The following HSD17B2 variants were observed in gnomAD, a reference collection of about 807,000 sequenced individuals.
HSD17B2 encodes hydroxysteroid 17-beta dehydrogenase 2, also known as 17-beta-hydroxysteroid dehydrogenase type 2.
HSD17B2 carries 32 observed loss-of-function variants against 26.9 expected under a neutral mutation model. The observed-to-expected ratio is 1.19, with a 90% CI of 0.90 to 1.60. HSD17B2 has a LOEUF of 1.60. Among genes scored for constraint, HSD17B2 ranks in the 40% most tolerant of loss-of-function variants. The probability of loss-of-function intolerance (pLI) is 0.00; values close to 1 mark genes in which losing one functional copy is unlikely to be tolerated. For missense variants in HSD17B2, 613 were observed against 468.6 expected, an observed-to-expected ratio of 1.31 and a Z score of -2.85; for synonymous variants, 246 against 186.7, an observed-to-expected ratio of 1.32 and a Z score of -2.59.
At chr16:82,057,287 C>G (rs764248376) in intron 1 of HSD17B2, among the ~76,000 whole-genome samples, 1 of 151,986 alleles carries the variant, frequency 6.6e-6, no homozygotes, top group Non-Finnish European at 1.5e-5. Context: ...CAAGCTCCGC[C>G]TCCTGGGTTC....
chr16:82,085,078 G>T (rs1041202630), intron 3 of HSD17B2, among the ~76,000 whole-genome samples: 1 of 152,204 alleles, frequency 6.6e-6, no homozygotes, highest in African/African-American at 2.4e-5. Flanking sequence ...CAATCTTAGA[G>T]ATTCTTACAA....
chr16:82,092,082 C>T (rs1236251592), intron 4 of HSD17B2: 2 of 152,156 alleles, frequency 1.3e-5, no homozygotes, highest in African/African-American at 4.8e-5. Flanking sequence ...AATGTATAAT[C>T]CATTAGTTTC....
intron 4 of HSD17B2, chr16:82,097,820 C>T (rs1267068179): frequency 3.7e-6 from 1 of 268,034 alleles, no homozygotes; most frequent in East Asian, 6.7e-5. Context: ...TGCCTGTAAT[C>T]CCAGCTACTC....
rs1414171260 is a variant in HSD17B2, at chr16:82,035,314, C to T, written c.-111C>T. 1 of 989,892 alleles carries T rather than the reference C, an allele frequency of 1.0e-6. No homozygotes were observed. The highest frequency in any genetic ancestry group is 2.4e-5 in the East Asian group (1 of 41,220). The allele number at this position is 989,892 out of a possible 1,614,324, so 61.3% of individuals were successfully genotyped here. ...AGTTGAAAGGGGCTGGGGCTGCTTT[C>T]TCCCCTCCCTTCTTGACTCTCTGTT... On this transcript the variant is annotated 5_prime_UTR_variant, in exon 1 of 5. Transcript: ENST00000199936.
chr16:82,054,208 G>GAAAAAAAAAAAAA (rs74264895), intron 1 of HSD17B2, among the ~76,000 whole-genome samples: 8 of 85,658 alleles, frequency 9.3e-5, no homozygotes, highest in Non-Finnish European at 1.8e-4. Flanking sequence ...CCCACATATC[G>GAAAAAAAAAAAAA]AAAAAAAAAA....
chr16:82,071,927 T>C (rs1914707695), intron 3 of HSD17B2: 1 of 152,224 alleles, frequency 6.6e-6, no homozygotes, highest in Non-Finnish European at 1.5e-5. Flanking sequence ...CTCTTCACTG[T>C]TGGATCAATT....
intron 3 of HSD17B2, among the ~76,000 whole-genome samples, chr16:82,086,159 C>G (rs935123891): frequency 6.6e-6 from 1 of 152,146 alleles, no homozygotes; most frequent in Non-Finnish European, 1.5e-5. Context: ...GGTGTTCAAA[C>G]AAAAACTCAC....
At chr16:82,044,101 C>T (rs1913845410) in intron 1 of HSD17B2, among the ~76,000 whole-genome samples, 1 of 152,200 alleles carries the variant, frequency 6.6e-6, no homozygotes. Flanking sequence ...ATTTAGCCTC[C>T]TCTGAACCAT....
chr16:82,068,102 T>C, intron 1 of HSD17B2, 68 bp from the exon 2 acceptor site: 5 of 1,320,660 alleles, frequency 3.8e-6, no homozygotes, highest in Non-Finnish European at 5.4e-6. Context: ...TAATATGTTT[T>C]CCTTGTTAAA....
At chr16:82,046,427 A>T (rs1005171818) in intron 1 of HSD17B2, among the ~76,000 whole-genome samples, 4 of 152,178 alleles carry the variant, frequency 2.6e-5, no homozygotes, top group African/African-American at 9.7e-5. Flanking sequence ...AAGATAATTT[A>T]AAAAAATATT....
intron 3 of HSD17B2, among the ~76,000 whole-genome samples, chr16:82,075,528 G>C (rs1904296064): frequency 6.6e-6 from 1 of 151,950 alleles, no homozygotes; most frequent in Non-Finnish European, 1.5e-5. Flanking sequence ...AGATGACAAA[G>C]GAGACATTAC....
rs1246568230 is a variant in HSD17B2, at chr16:82,050,163, C to A, written c.265+14474C>A. On this transcript the variant is annotated intron_variant, in intron 1 of 4. Coordinates refer to ENST00000199936, the MANE Select transcript of HSD17B2 (RefSeq NM_002153.3). ...CCAACACCTTATGTACTCAGTTCCA[C>A]TGGATGTCTTGCGCTTTATATGCTT... Among the ~76,000 whole-genome samples the A allele has an allele frequency of 5.3e-5, 8 of 152,226 alleles. No individual in the cohort carries two copies. The South Asian group carries it at 1.2e-3, about 24-fold the overall frequency.
chr16:82,078,222 T>G (rs1487923591), intron 3 of HSD17B2, among the ~76,000 whole-genome samples: 5 of 152,140 alleles, frequency 3.3e-5, no homozygotes, highest in Non-Finnish European at 5.9e-5. Flanking sequence ...GTACAAAAGA[T>G]CTGAATAGGC....
At chr16:82,053,478 A>C (rs1914170375) in intron 1 of HSD17B2, among the ~76,000 whole-genome samples, 1 of 152,044 alleles carries the variant, frequency 6.6e-6, no homozygotes, top group Admixed American at 6.5e-5. Flanking sequence ...CAGAGATTGA[A>C]AACTAAGATA....
At chr16:82,089,004 C>T (rs557042163) in intron 3 of HSD17B2, among the ~76,000 whole-genome samples, 1 of 152,120 alleles carries the variant, frequency 6.6e-6, no homozygotes. Flanking sequence ...GCACTAATCC[C>T]TCTCATCATG....
chr16:82,093,322 T>C (rs575352017), intron 4 of HSD17B2: 1 of 152,342 alleles, frequency 6.6e-6, no homozygotes, highest in Non-Finnish European at 1.5e-5. Context: ...TTAATAGCAT[T>C]TGACTTTAAC....
intron 4 of HSD17B2, 57 bp from the exon 5 acceptor site, chr16:82,098,018 C>T: frequency 6.5e-7 from 1 of 1,544,462 alleles, no homozygotes; most frequent in Non-Finnish European, 8.7e-7. Context: ...CAAGCGCCTG[C>T]TCCCTGACTT....
chr16:82,064,182 G>A (rs1181500337), intron 1 of HSD17B2, among the ~76,000 whole-genome samples: 1 of 152,176 alleles, frequency 6.6e-6, no homozygotes, highest in Non-Finnish European at 1.5e-5. Flanking sequence ...CTGCTCAAAG[G>A]CACTGCCTTC....
rs8191171 is a variant in HSD17B2, at chr16:82,071,532, C to T, written c.664+405C>T. 2.3e-3 allele frequency: 713 copies of T among 308,318 alleles called. 5 individuals are homozygous for T. Among genetic ancestry groups the T allele is most frequent in the African/African-American group, 0.014 (654 of 45,854 alleles). The allele number at this position is 308,318 out of a possible 1,614,324, so 19.1% of individuals were successfully genotyped here. A position where few individuals can be genotyped will look rare whatever the true frequency, so the allele number is the denominator to read the frequency against. On this transcript the variant is annotated intron_variant, in intron 3 of 4. Coordinates refer to ENST00000199936, the MANE Select transcript of HSD17B2 (RefSeq NM_002153.3). ...CTGTAAGCTGAGTAGGCAATACCTT[C>T]CCTCTGTTTGTGCCATCAAACAAAA...
Sources: allele counts gnomAD v4.1 joint callset (sites outside exome capture counted in the v4.1 genomes callset), GRCh38; gene constraint gnomAD v4.1.1; transcripts MANE v1.5; gene names NCBI Gene and HGNC (gene_info 2026-07-23, HGNC 2026-07-21).